POLA1: variants seen among roughly 807,000 people sequenced by gnomAD.
POLA1 encodes the protein DNA polymerase alpha catalytic subunit.
POLA1 carries 15 observed loss-of-function variants against 124.0 expected under a neutral mutation model. The ratio of observed to expected loss-of-function variants is 0.12; its 90% CI spans 0.08 to 0.19. POLA1 has a LOEUF of 0.19. Ranked by LOEUF, POLA1 falls within the 10% of genes least tolerant of loss-of-function variation. POLA1 has a pLI of 1.00. For synonymous variants in POLA1, 408 were observed against 389.4 expected (o/e 1.05, Z -0.56); for missense variants, 886 against 1,103.4 (o/e 0.80, Z 2.79).
intron 24 of POLA1, among the ~76,000 whole-genome samples, chrX:24,747,416 C>T (rs751679202): frequency 4.5e-5 from 5 of 110,894 alleles, no homozygotes; most frequent in Admixed American, 9.6e-5. Context: ...CCACCCGCCT[C>T]GGCCTCCCAA....
chrX:24,874,760 A>T (rs1478799823), intron 34 of POLA1, among the ~76,000 whole-genome samples: 1 of 111,494 alleles, frequency 9.0e-6, no homozygotes, highest in African/African-American at 3.3e-5. Context: ...CTTGTTAGAG[A>T]TGCAAATTCT....
chrX:24,912,932 A>G (rs1006138374), intron 35 of POLA1, among the ~76,000 whole-genome samples: 5 of 112,236 alleles, frequency 4.5e-5, no homozygotes, highest in African/African-American at 1.6e-4. Context: ...TGGTATCACA[A>G]CCCCAGAAAA....
chrX:24,950,919 T>C (rs1317404134), intron 36 of POLA1, among the ~76,000 whole-genome samples: 1 of 112,156 alleles, frequency 8.9e-6, no homozygotes, highest in African/African-American at 3.2e-5. Context: ...TTTAGAAAGA[T>C]GACCATTAGC....
intron 35 of POLA1, among the ~76,000 whole-genome samples, chrX:24,926,847 T>G (rs2047698475): frequency 1.8e-5 from 2 of 109,793 alleles, no homozygotes; most frequent in East Asian, 5.7e-4. Context: ...TTTTTTTTTT[T>G]TTGAGATGGA....
chrX:24,770,810 CAA>C (rs1178960679), intron 26 of POLA1, among the ~76,000 whole-genome samples: 1 of 110,039 alleles, frequency 9.1e-6, no homozygotes, highest in Non-Finnish European at 1.9e-5. Context: ...AACTGGTACT[CAA>C]TAATAAGTGT....
intron 36 of POLA1, among the ~76,000 whole-genome samples, chrX:24,973,162 C>G (rs2048323976): frequency 9.0e-6 from 1 of 111,339 alleles, no homozygotes; most frequent in African/African-American, 3.3e-5. Context: ...TCGAGACCAG[C>G]CATGGCCAAC....
At chrX:24,904,557 C>T (rs1383612379) in intron 35 of POLA1, among the ~76,000 whole-genome samples, 2 of 110,830 alleles carry the variant, frequency 1.8e-5, no homozygotes, top group Non-Finnish European at 3.8e-5. Context: ...AATCCTCTTT[C>T]TCTTTCTTCC....
At chrX:24,989,178 G>C (rs1451647962) in intron 36 of POLA1, among the ~76,000 whole-genome samples, 1 of 111,187 alleles carries the variant, frequency 9.0e-6, no homozygotes, top group Non-Finnish European at 1.9e-5. Flanking sequence ...AGTTGAGGGG[G>C]GCAGTATAAA....
intron 36 of POLA1, among the ~76,000 whole-genome samples, chrX:24,993,226 G>T (rs1043017560): frequency 2.7e-5 from 3 of 112,428 alleles, no homozygotes; most frequent in Non-Finnish European, 5.6e-5. Flanking sequence ...TTTCAGTGAC[G>T]CACTTGTGTG....
chrX:24,778,458 T>C (rs2045188607), intron 26 of POLA1, among the ~76,000 whole-genome samples: 1 of 112,000 alleles, frequency 8.9e-6, no homozygotes, highest in Admixed American at 9.4e-5. Context: ...CTTGAACTCC[T>C]CACCTCAAGT....
intron 34 of POLA1, among the ~76,000 whole-genome samples, chrX:24,845,656 A>G (rs753386607): frequency 8.1e-5 from 9 of 111,756 alleles, no homozygotes; most frequent in African/African-American, 2.9e-4. Context: ...TCAGTGTGAT[A>G]TATCATGGTG....
chrX:24,934,064 TA>T (rs751068291), intron 36 of POLA1, among the ~76,000 whole-genome samples: 249 of 111,946 alleles, frequency 2.2e-3, no homozygotes, highest in African/African-American at 7.9e-3. Context: ...ATCTATGAAG[TA>T]AAAATCCATT....
At chrX:24,912,155 G>A (rs2047457751) in intron 35 of POLA1, among the ~76,000 whole-genome samples, 1 of 112,343 alleles carries the variant, frequency 8.9e-6, no homozygotes, top group Non-Finnish European at 1.9e-5. Flanking sequence ...GATGGAAAAA[G>A]TGGATATCCA....
At chrX:24,847,903 A>G (rs1427246234) in intron 34 of POLA1, among the ~76,000 whole-genome samples, 1 of 112,273 alleles carries the variant, frequency 8.9e-6, no homozygotes, top group Non-Finnish European at 1.9e-5. Flanking sequence ...AAAATTCTAC[A>G]ATATTTTAAG....
chrX:24,990,047 C>G (rs2048517914), intron 36 of POLA1, among the ~76,000 whole-genome samples: 1 of 111,523 alleles, frequency 9.0e-6, no homozygotes, highest in Non-Finnish European at 1.9e-5. Context: ...TAAAAAATTG[C>G]AATAAAGTCA....
chrX:24,892,225 T>C (rs918018885), intron 35 of POLA1, among the ~76,000 whole-genome samples: 1 of 111,018 alleles, frequency 9.0e-6, no homozygotes, highest in African/African-American at 3.3e-5. Flanking sequence ...TTAAGACATA[T>C]ATTCCCTGAG....
chrX:24,842,369 A>T (rs1253255530), intron 33 of POLA1, among the ~76,000 whole-genome samples: 2 of 112,013 alleles, frequency 1.8e-5, no homozygotes, highest in African/African-American at 6.5e-5. Flanking sequence ...CTGCCAAAAA[A>T]TGTATTATTG....
chrX:24,888,748 C>T (rs368590798), intron 35 of POLA1, among the ~76,000 whole-genome samples: 57 of 105,836 alleles, frequency 5.4e-4, no homozygotes, highest in Non-Finnish European at 8.2e-4. Context: ...GCTAATTTTT[C>T]TATTTTTAGT....
intron 26 of POLA1, among the ~76,000 whole-genome samples, chrX:24,794,072 G>A (rs941254137): frequency 1.8e-5 from 2 of 110,952 alleles, no homozygotes; most frequent in Admixed American, 9.5e-5. Flanking sequence ...CACCTCCCGG[G>A]TTCAAATGAT....
Sources: gnomAD v4.1 joint callset for allele counts (sites outside exome capture counted in the v4.1 genomes callset) on GRCh38, gnomAD v4.1.1 for gene constraint, MANE v1.5 for transcripts, NCBI Gene and HGNC (gene_info 2026-07-23, HGNC 2026-07-21) for gene names.